Variants in RAB11FIP3 observed in about 807,000 individuals in gnomAD.
The protein encoded by RAB11FIP3 is RAB11 family interacting protein 3.
A neutral mutation model predicts 77.8 loss-of-function variants in RAB11FIP3; 17 were observed. The observed-to-expected ratio is 0.22, with a 90% CI of 0.15 to 0.33. The LOEUF (loss-of-function observed/expected upper bound fraction) is 0.33, where lower values mean the gene tolerates loss of function less well. Among genes scored for constraint, RAB11FIP3 ranks in the 10% least tolerant of loss-of-function variants. RAB11FIP3 has a pLI of 1.00. For synonymous variants in RAB11FIP3, 437 were observed against 448.2 expected, an observed-to-expected ratio of 0.98 and a Z score of 0.31; for missense variants, 1,005 against 1,011.2, an observed-to-expected ratio of 0.99 and a Z score of 0.08.
chr16:463,069 G>A (rs192709975), intron 2 of RAB11FIP3, among the ~76,000 whole-genome samples: 3 of 152,128 alleles, frequency 2.0e-5, no homozygotes, highest in African/African-American at 7.2e-5. Context: ...GGGTAAACTC[G>A]GTTCTTCACA....
chr16:462,698 C>CCCGGCA (rs1160103219), intron 2 of RAB11FIP3, among the ~76,000 whole-genome samples: 15 of 145,654 alleles, frequency 1.0e-4, no homozygotes, highest in Non-Finnish European at 9.0e-5. Context: ...TCCCCAGTCC[C>CCCGGCA]CCGGCACCGT....
rs1400429960 is a variant in RAB11FIP3 at position 426,841 on chromosome 16, G to A, written c.714+121G>A. 1.4e-6 allele frequency: 1 copy of A among 733,340 alleles called. No homozygotes were observed. The highest frequency in any genetic ancestry group is 1.8e-5 in the African/African-American group (1 of 54,962). The allele number at this position is 733,340 out of a possible 1,614,324, so 45.4% of individuals were successfully genotyped here. The stretch of plus-strand genomic sequence containing the variant: ...GGAAAGGCACTGTCAAGACCTGACG[G>A]TCCTGCTTTTTCTGCTTATTCACCA... On this transcript the variant is annotated intron_variant, in intron 1 of 13. Coordinates refer to ENST00000262305, the MANE Select transcript of RAB11FIP3 (RefSeq NM_014700.4). This position sits in a 1 kb window ranked among gnomAD's most constrained non-coding sequence, Gnocchi z 5.0.
chr16:519,541 G>A (rs535444367), intron 10 of RAB11FIP3, among the ~76,000 whole-genome samples: 1 of 152,208 alleles, frequency 6.6e-6, no homozygotes, highest in Non-Finnish European at 1.5e-5. Flanking sequence ...AACGGCCCTC[G>A]TGGCCTGCGT....
chr16:435,492 T>C (rs1039345040), intron 1 of RAB11FIP3, among the ~76,000 whole-genome samples: 3 of 152,234 alleles, frequency 2.0e-5, no homozygotes, highest in Non-Finnish European at 2.9e-5. Flanking sequence ...TTCTAAGTTA[T>C]TATGATAGAG....
chr16:492,403 ACCCGAGGCCGCCCAGGGCCC>A, intron 5 of RAB11FIP3, among the ~76,000 whole-genome samples: 1 of 142,148 alleles, frequency 7.0e-6, no homozygotes, highest in Non-Finnish European at 1.6e-5. Context: ...TCCCCGGGAG[ACCCGAGGCCGCCCAGGGCCC>A]TCCCCGGGAG....
At position 503,089 on chromosome 16, in the gene RAB11FIP3, G is replaced by A; in HGVS notation, c.1387G>A (p.Ala463Thr). Residue 463 changes from alanine (A) to threonine (T), a missense_variant, in exon 7 of 14, where the codon GCT becomes ACT. This residue lies in a region of RAB11FIP3 where 433 missense variants were observed against 436.1 expected (regional missense o/e 0.99). Transcript: ENST00000262305. ...CATGGAGGGCCCAGAGGAGGACATT[G>A]CTGACAAGGTAGGCCCTGGAGGGCT... ...ELMEGPEEDI[A>T]DKVVFLERRV... 1 of 1,611,350 alleles carries A rather than the reference G, an allele frequency of 6.2e-7. No individual in the cohort carries two copies.
intron 9 of RAB11FIP3, among the ~76,000 whole-genome samples, chr16:517,466 G>A (rs982074401): frequency 6.6e-6 from 1 of 152,200 alleles, no homozygotes; most frequent in Non-Finnish European, 1.5e-5. Context: ...TACTTGGGAG[G>A]CTGAGGCAGG....
intron 2 of RAB11FIP3, among the ~76,000 whole-genome samples, chr16:467,963 GGCGTC>G (rs2055737077): frequency 7.5e-6 from 1 of 133,456 alleles, no homozygotes. Flanking sequence ...GAGGTGCTGG[GGCGTC>G]AGGGAGGAGG....
Position 461,454 on chromosome 16 carries a change from C to G in RAB11FIP3, c.765C>G (p.Ser255Arg), listed in dbSNP as rs1313845294. Residue 255 changes from serine (S) to arginine (R), a missense_variant, in exon 2 of 14, where the codon AGC becomes AGG. Coordinates refer to ENST00000262305, the MANE Select transcript of RAB11FIP3 (RefSeq NM_014700.4). This position sits in a 1 kb window ranked among gnomAD's most constrained non-coding sequence, Gnocchi z 4.5. The stretch of plus-strand genomic sequence containing the variant: ...ATCCCAGTGGGCTCGGCGTGATCAG[C>G]TTTGAAGACTTCTACCAAGGGATCA... ...YLDPSGLGVI[S>R]FEDFYQGITA... 1.2e-6 allele frequency: 2 copies of G among 1,614,000 alleles called. No individual in the cohort carries two copies. Among genetic ancestry groups the G allele is most frequent in the Non-Finnish European group, 1.7e-6 (2 of 1,179,986 alleles).
Position 518,958 on chromosome 16 carries a change from C to T in RAB11FIP3, c.1656C>T (p.Asp552=), listed in dbSNP as rs533806116. Residue 552 remains aspartate (D), a synonymous_variant, in exon 10 of 14, where the codon GAC becomes GAT. Coordinates refer to ENST00000262305, the MANE Select transcript of RAB11FIP3 (RefSeq NM_014700.4). ...ENLQTRLQQL[D]EENSELRSCT... ...TGTGTCCCAGGCTACAGCAACTGGACGAGGAGAACAGTGAACTCCGGTCCT... is the reference window on the plus strand; with the variant it reads ...TGTGTCCCAGGCTACAGCAACTGGATGAGGAGAACAGTGAACTCCGGTCCT... The T allele has an allele frequency of 1.6e-5, 26 of 1,613,578 alleles. No homozygotes were observed. Among genetic ancestry groups the T allele is most frequent in the African/African-American group, 6.7e-5 (5 of 74,924 alleles).
rs969394953 is a variant in RAB11FIP3 at position 505,467 on chromosome 16, G to A, written c.1396-57G>A. 3 of 1,416,900 alleles carry A rather than the reference G, an allele frequency of 2.1e-6. No homozygotes were observed. Among genetic ancestry groups the A allele is most frequent in the Non-Finnish European group, 1.9e-6 (2 of 1,034,524 alleles). 87.8% of individuals were successfully genotyped at this position (1,416,900 alleles called of 1,614,324 possible). On this transcript the variant is annotated intron_variant, in intron 7 of 13. Coordinates refer to ENST00000262305, the MANE Select transcript of RAB11FIP3 (RefSeq NM_014700.4). This position sits in a 1 kb window ranked among gnomAD's most constrained non-coding sequence, Gnocchi z 4.0. The stretch of plus-strand genomic sequence containing the variant: ...CGGCCTCCCAGGTTGTTCCCTTGGG[G>A]GTGCAGGCCCTTCTGCTTCTGGCTG...
chr16:461,191 A>C lies in RAB11FIP3; in HGVS notation c.715-213A>C, dbSNP rs1020985707. Among the ~76,000 whole-genome samples, 6 of 152,150 alleles carry C rather than the reference A, an allele frequency of 3.9e-5. No homozygotes were observed. Among genetic ancestry groups the C allele is most frequent in the Admixed American group, 1.3e-4 (2 of 15,274 alleles). On this transcript the variant is annotated intron_variant, in intron 1 of 13. Coordinates refer to ENST00000262305, the MANE Select transcript of RAB11FIP3 (RefSeq NM_014700.4). The surrounding 1 kb of genome is among the most constrained non-coding windows in gnomAD (Gnocchi z 4.5). ...CGCAACCTGGACCCCTCGCATGCGG[A>C]GCACACAGTAGGCTTTGCGCTCCTG...
chr16:502,178 C>A (rs1003146373), intron 6 of RAB11FIP3, among the ~76,000 whole-genome samples: 4 of 152,264 alleles, frequency 2.6e-5, no homozygotes, highest in African/African-American at 9.6e-5. Context: ...TCTGTACTCC[C>A]GGCAAGTTTG....
chr16:503,004 G>T lies in RAB11FIP3; in HGVS notation c.1302G>T (p.Arg434Ser). Reference sequence around the variant, plus strand: ...CTCTGTTGTTGTGCCTTTTCTGTAGGTACCTGCACCAGTCAGGGGCCCTGA... The same window carrying T: ...CTCTGTTGTTGTGCCTTTTCTGTAGTTACCTGCACCAGTCAGGGGCCCTGA... The part of the protein sequence containing the change: ...TKRLSSKKVA[R>S]YLHQSGALTM... The change falls in exon 7 of 14, where the codon AGG becomes AGT. Residue 434 changes from arginine to serine, a missense_variant and splice_region_variant. Coordinates refer to ENST00000262305, the MANE Select transcript of RAB11FIP3 (RefSeq NM_014700.4). The T allele has an allele frequency of 6.2e-7, 1 of 1,609,100 alleles. No homozygotes were observed. Among genetic ancestry groups the T allele is most frequent in the East Asian group, 2.2e-5 (1 of 44,842 alleles).
chr16:497,766 G>C (rs1211984577), intron 6 of RAB11FIP3, among the ~76,000 whole-genome samples: 1 of 152,108 alleles, frequency 6.6e-6, no homozygotes, highest in Non-Finnish European at 1.5e-5. Flanking sequence ...AGGTGCTCAG[G>C]AGATAAACTT....
chr16:499,553 A>G (rs2031370764), intron 6 of RAB11FIP3, among the ~76,000 whole-genome samples: 2 of 152,086 alleles, frequency 1.3e-5, no homozygotes, highest in Admixed American at 6.6e-5. Context: ...ATCCCAGCAC[A>G]TTGGGAAGCC....
chr16:496,464 G>A (rs903278585), intron 5 of RAB11FIP3, among the ~76,000 whole-genome samples: 1 of 152,330 alleles, frequency 6.6e-6, no homozygotes, highest in Non-Finnish European at 1.5e-5. Context: ...TTTCACTTGG[G>A]GGCCTCCGAA....
chr16:452,095 G>C (rs533454480), intron 1 of RAB11FIP3, among the ~76,000 whole-genome samples: 2 of 152,298 alleles, frequency 1.3e-5, no homozygotes, highest in Non-Finnish European at 2.9e-5. Context: ...ATGTTGCAGT[G>C]AGTTGAGATC....
intron 1 of RAB11FIP3, among the ~76,000 whole-genome samples, chr16:428,945 G>C (rs1438474741): frequency 6.6e-6 from 1 of 152,030 alleles, no homozygotes; most frequent in African/African-American, 2.4e-5. Context: ...TGGATGACTT[G>C]GGATTTGGTG....
Sources: allele counts gnomAD v4.1 joint callset (sites outside exome capture counted in the v4.1 genomes callset), GRCh38; gene constraint gnomAD v4.1.1; regional missense constraint gnomAD v4.1.1; non-coding constraint Gnocchi (gnomAD v3.1); transcripts MANE v1.5; gene names NCBI Gene and HGNC (gene_info 2026-07-23, HGNC 2026-07-21).